PTAR1: variants seen among roughly 807,000 people sequenced by gnomAD.
PTAR1 encodes the protein protein prenyltransferase alpha subunit repeat containing 1.
PTAR1 carries 17 observed loss-of-function variants against 45.5 expected under a neutral mutation model. That is an observed-to-expected ratio of 0.37 (90% confidence interval 0.26 to 0.56). The LOEUF (loss-of-function observed/expected upper bound fraction) is 0.56. Ranked by LOEUF, PTAR1 falls within the 20% of genes least tolerant of loss-of-function variation. The pLI is 0.77. For synonymous variants in PTAR1, 169 were observed against 171.3 expected (o/e 0.99, Z 0.11); for missense variants, 391 against 476.3 (o/e 0.82, Z 1.67).
At chr9:69,723,257 C>T in intron 6 of PTAR1, 69 bp downstream of exon 6, 8 of 1,339,768 alleles carry the variant, frequency 6.0e-6, no homozygotes, top group Non-Finnish European at 8.4e-6. Context: ...TCAGGTGTAA[C>T]TAACACTTTC....
At chr9:69,727,052 C>T (rs1465546589) in intron 5 of PTAR1, among the ~76,000 whole-genome samples, 2 of 141,310 alleles carry the variant, frequency 1.4e-5, no homozygotes, top group Non-Finnish European at 1.6e-5. Context: ...CACACACACA[C>T]GTATACACAC....
At chr9:69,741,581 C>T (rs1008916748) in intron 3 of PTAR1, 1 of 541,782 alleles carries the variant, frequency 1.8e-6, no homozygotes, top group Non-Finnish European at 3.3e-6. Flanking sequence ...CTCAACATGA[C>T]AATTTATATT....
At chr9:69,727,544 T>C (rs1825345217) in intron 5 of PTAR1, among the ~76,000 whole-genome samples, 1 of 151,968 alleles carries the variant, frequency 6.6e-6, no homozygotes, top group South Asian at 2.1e-4. Context: ...TTCTATTTTC[T>C]AAAAAGTCAA....
At chr9:69,720,212 G>A (rs1824930654) in intron 6 of PTAR1, among the ~76,000 whole-genome samples, 1 of 152,210 alleles carries the variant, frequency 6.6e-6, no homozygotes, top group Non-Finnish European at 1.5e-5. Context: ...GCAAAGGAAA[G>A]TTTTTGAAGG....
intron 4 of PTAR1, among the ~76,000 whole-genome samples, chr9:69,733,574 T>C (rs943511809): frequency 6.6e-6 from 1 of 152,186 alleles, no homozygotes; most frequent in Admixed American, 6.5e-5. Flanking sequence ...ATTCTGGCTA[T>C]CTGTCCCATG....
chr9:69,737,944 C>T (rs1453997278), intron 3 of PTAR1, among the ~76,000 whole-genome samples: 1 of 152,038 alleles, frequency 6.6e-6, no homozygotes, highest in African/African-American at 2.4e-5. Context: ...TACCATGGTA[C>T]CTTTGTCAAA....
chr9:69,758,414 G>T (rs117048850), intron 1 of PTAR1: 1,916 of 151,740 alleles, frequency 0.013, 29 homozygotes, highest in Non-Finnish European at 0.019. Context: ...TTGCACTAAG[G>T]CTCCCATTCT....
chr9:69,751,916 T>C (rs557883488), intron 1 of PTAR1, among the ~76,000 whole-genome samples: 3 of 152,182 alleles, frequency 2.0e-5, no homozygotes, highest in African/African-American at 7.2e-5. Flanking sequence ...TGTAGGGCAT[T>C]TGACTTACTT....
Position 69,760,001 on chromosome 9 carries a change from C to T in PTAR1, c.-63G>A. On this transcript the variant is annotated 5_prime_UTR_variant, in exon 1 of 8. Transcript: ENST00000340434. ...GTGAGCCGGGCCGCCGGCGGGAGTT[C>T]CGCGGAGAACGAGCGCGCGCGCGCG... The T allele has an allele frequency of 1.5e-6, 2 of 1,335,642 alleles. No homozygotes were observed. Among genetic ancestry groups the T allele is most frequent in the Non-Finnish European group, 1.9e-6 (2 of 1,034,190 alleles). 82.7% of individuals were successfully genotyped at this position (1,335,642 alleles called of 1,614,324 possible).
chr9:69,741,086 T>C (rs1304040175), intron 3 of PTAR1, among the ~76,000 whole-genome samples: 1 of 152,134 alleles, frequency 6.6e-6, no homozygotes, highest in East Asian at 1.9e-4. Context: ...AAATAGAATG[T>C]CTCAGGGCTC....
chr9:69,732,210 A>G lies in PTAR1; in HGVS notation c.571T>C (p.Tyr191His). 6.2e-7 allele frequency: 1 copy of G among 1,613,814 alleles called. No homozygotes were observed. The highest frequency in any genetic ancestry group is 8.5e-7 in the Non-Finnish European group (1 of 1,179,798). The change falls in exon 5 of 8, where the codon TAC becomes CAC. Residue 191 changes from tyrosine to histidine, a missense_variant. By Grantham distance (83) the Tyr-to-His change is moderately conservative. Coordinates refer to ENST00000340434, the MANE Select transcript of PTAR1 (RefSeq NM_001099666.2). ...MEVCGEAAGR[Y>H]PSNYNAWSHR... is the part of the protein sequence containing the mutation. ...GACCAAGCATTATAGTTGCTTGGGTATCTCCCTGCTGCTTCACCACAGACC... is the reference window on the plus strand; with the variant it reads ...GACCAAGCATTATAGTTGCTTGGGTGTCTCCCTGCTGCTTCACCACAGACC...
chr9:69,718,364 C>T lies in PTAR1; in HGVS notation c.1187G>A (p.Trp396Ter). ...QARFASAYRK[W>*]LVTLSQ ...CTTTCATTGACTCAAAGTAACCAGC[C>T]ATTTCCTGTATGCACTGGCAAACCT... The change falls in exon 8 of 8, where the codon TGG (tryptophan) becomes TAG (stop). Residue 396 changes from tryptophan (W) to a stop codon, truncating the protein, a stop_gained. Transcript: ENST00000340434. LOFTEE classifies it high-confidence loss of function. The T allele has an allele frequency of 6.2e-7, 1 of 1,608,216 alleles. No homozygotes were observed. Among genetic ancestry groups the T allele is most frequent in the Non-Finnish European group, 8.5e-7 (1 of 1,176,104 alleles).
chr9:69,734,168 G>A lies in PTAR1; in HGVS notation c.410C>T (p.Pro137Leu). ...KLALTKFPKS[P>L]ETWIHRRWVL... ...ACCACACCTGTGAATCCATGTTTCT[G>A]GACTCTTTGGAAACTTGGTTAAGGC... The change falls in exon 4 of 8, where the codon CCA (proline) becomes CTA (leucine). Residue 137 changes from proline (P) to leucine (L), a missense_variant. Physicochemically the swap from Pro to Leu is moderately conservative, Grantham distance 98. Coordinates refer to ENST00000340434, the MANE Select transcript of PTAR1 (RefSeq NM_001099666.2). 4 of 1,564,690 alleles carry A rather than the reference G, an allele frequency of 2.6e-6. No homozygotes were observed. Among genetic ancestry groups the A allele is most frequent in the Non-Finnish European group, 3.5e-6 (4 of 1,143,928 alleles).
chr9:69,733,209 C>G (rs544403158), intron 4 of PTAR1, among the ~76,000 whole-genome samples: 36 of 152,142 alleles, frequency 2.4e-4, no homozygotes, highest in African/African-American at 8.2e-4. Context: ...CCCCTGCCAC[C>G]ATCCCTTTCC....
At position 69,709,575 on chromosome 9, in the gene PTAR1, A is replaced by C. The variant is rs2134052596; in HGVS notation, c.*8767T>G. 1 of 152,316 alleles carries C rather than the reference A, an allele frequency of 6.6e-6. No individual in the cohort carries two copies. Among genetic ancestry groups the C allele is most frequent in the East Asian group, 1.9e-4 (1 of 5,182 alleles). The allele number at this position is 152,316 out of a possible 1,614,324, so 9.4% of individuals were successfully genotyped here. ...GAAATTGCAAACATTTAGCAAAGGT[A>C]AGACAAATACTATTTTCCATATTCT... is the stretch of plus-strand genomic sequence containing the variant. On this transcript the variant is annotated 3_prime_UTR_variant, in exon 8 of 8. Transcript: ENST00000340434.
intron 3 of PTAR1, among the ~76,000 whole-genome samples, chr9:69,734,819 CA>C (rs1419137889): frequency 6.6e-6 from 1 of 152,170 alleles, no homozygotes; most frequent in Non-Finnish European, 1.5e-5. Context: ...ATCACACATA[CA>C]TTTTAACATA....
chr9:69,750,238 T>C (rs1286659238), intron 2 of PTAR1, among the ~76,000 whole-genome samples: 1 of 151,888 alleles, frequency 6.6e-6, no homozygotes, highest in African/African-American at 2.4e-5. Flanking sequence ...TTTGTTTTGC[T>C]CATTTCAGCA....
chr9:69,710,359 T>C lies in PTAR1; in HGVS notation c.*7983A>G, dbSNP rs891094589. On this transcript the variant is annotated 3_prime_UTR_variant, in exon 8 of 8. Coordinates refer to ENST00000340434, the MANE Select transcript of PTAR1 (RefSeq NM_001099666.2). ...ATATACTGGGTTACATAAACTGTTATTAAAATTAATTTTGCTTGTTTCTTT... is the reference window on the plus strand; with the variant it reads ...ATATACTGGGTTACATAAACTGTTACTAAAATTAATTTTGCTTGTTTCTTT... The C allele has an allele frequency of 5.3e-5, 8 of 152,174 alleles. No individual in the cohort carries two copies. The highest frequency in any genetic ancestry group is 1.2e-4 in the Non-Finnish European group (8 of 68,010). The allele number at this position is 152,174 out of a possible 1,614,324, so 9.4% of individuals were successfully genotyped here.
At chr9:69,747,840 T>A (rs1379634932) in intron 2 of PTAR1, among the ~76,000 whole-genome samples, 1 of 152,218 alleles carries the variant, frequency 6.6e-6, no homozygotes, top group East Asian at 1.9e-4. Context: ...GCTAAGAATC[T>A]GCAACCTCTG....
Sources: gnomAD v4.1 joint callset for allele counts (sites outside exome capture counted in the v4.1 genomes callset) on GRCh38, gnomAD v4.1.1 for gene constraint, MANE v1.5 for transcripts, NCBI Gene and HGNC (gene_info 2026-07-23, HGNC 2026-07-21) for gene names.